Variants in CHCHD6 observed in about 807,000 individuals in gnomAD.
CHCHD6 encodes MICOS complex subunit MIC25.
Under a neutral mutation model 32.3 loss-of-function variants are expected in CHCHD6, and 28 were observed. The observed-to-expected ratio is 0.87, with a 90% CI of 0.64 to 1.19. The LOEUF (loss-of-function observed/expected upper bound fraction) is 1.19, where lower values mean the gene tolerates loss of function less well. CHCHD6 is among the 50% of genes most tolerant of loss of function. CHCHD6 has a pLI of 0.00. For missense variants in CHCHD6, 333 were observed against 307.0 expected, an observed-to-expected ratio of 1.08 and a Z score of -0.63; for synonymous variants, 122 against 117.5, an observed-to-expected ratio of 1.04 and a Z score of -0.25.
intron 5 of CHCHD6, among the ~76,000 whole-genome samples, chr3:126,910,262 C>A (rs1427999963): frequency 4.2e-5 from 1 of 23,630 alleles, no homozygotes; most frequent in Admixed American, 5.3e-4. Context: ...AGGAGCAAGG[C>A]CCTGCCTCAG....
At chr3:126,945,327 G>T (rs1304227203) in intron 6 of CHCHD6, among the ~76,000 whole-genome samples, 1 of 152,016 alleles carries the variant, frequency 6.6e-6, no homozygotes, top group Non-Finnish European at 1.5e-5. Context: ...CCTCTGGGGA[G>T]CTTTGGGCCA....
intron 6 of CHCHD6, among the ~76,000 whole-genome samples, chr3:126,954,111 C>T (rs2078752567): frequency 6.6e-6 from 1 of 152,200 alleles, no homozygotes; most frequent in Non-Finnish European, 1.5e-5. Context: ...GAAATTTCTT[C>T]CAGTTGACAT....
intron 6 of CHCHD6, among the ~76,000 whole-genome samples, chr3:126,937,612 G>A (rs2078499365): frequency 6.6e-6 from 1 of 152,182 alleles, no homozygotes; most frequent in African/African-American, 2.4e-5. Context: ...GTTTTATGAA[G>A]ATTAAATCCC....
chr3:126,744,851 C>A (rs1286700814), intron 4 of CHCHD6, among the ~76,000 whole-genome samples: 2 of 152,156 alleles, frequency 1.3e-5, no homozygotes, highest in Non-Finnish European at 2.9e-5. Flanking sequence ...CCACACCTGG[C>A]TAATTTTTAT....
At chr3:126,795,769 C>T (rs1383055230) in intron 4 of CHCHD6, among the ~76,000 whole-genome samples, 1 of 152,114 alleles carries the variant, frequency 6.6e-6, no homozygotes, top group Non-Finnish European at 1.5e-5. Flanking sequence ...TCATTAGGCC[C>T]TGCCACTTCT....
At chr3:126,706,869 G>A (rs994109826) in intron 1 of CHCHD6, among the ~76,000 whole-genome samples, 1 of 152,116 alleles carries the variant, frequency 6.6e-6, no homozygotes, top group Non-Finnish European at 1.5e-5. Context: ...AGATGCCAAA[G>A]AAGATCTGCC....
chr3:126,797,269 A>G (rs2107688826), intron 4 of CHCHD6, among the ~76,000 whole-genome samples: 1 of 152,286 alleles, frequency 6.6e-6, no homozygotes, highest in Middle Eastern at 3.4e-3. Context: ...TTCTCTTGCC[A>G]TGAATGCTAA....
At chr3:126,853,793 C>T (rs553241540) in intron 5 of CHCHD6, among the ~76,000 whole-genome samples, 1 of 152,252 alleles carries the variant, frequency 6.6e-6, no homozygotes, top group East Asian at 1.9e-4. Flanking sequence ...GTAAATCTTT[C>T]ACAGAGCAGT....
chr3:126,886,515 A>G (rs1232000998), intron 5 of CHCHD6, among the ~76,000 whole-genome samples: 2 of 152,012 alleles, frequency 1.3e-5, no homozygotes, highest in Non-Finnish European at 2.9e-5. Flanking sequence ...ACCTAACCCT[A>G]TTTTACTTTG....
At chr3:126,784,045 A>G (rs746578112) in intron 4 of CHCHD6, among the ~76,000 whole-genome samples, 58 of 152,112 alleles carry the variant, frequency 3.8e-4, no homozygotes, top group Non-Finnish European at 6.2e-4. Context: ...TCTCCTGGAG[A>G]CACTATGTCT....
At chr3:126,853,684 G>C (rs949955131) in intron 5 of CHCHD6, among the ~76,000 whole-genome samples, 10 of 152,190 alleles carry the variant, frequency 6.6e-5, no homozygotes, top group African/African-American at 1.9e-4. Flanking sequence ...GGGATGGCCA[G>C]AGTTGACATG....
At chr3:126,732,223 A>G (rs1935841587) in intron 3 of CHCHD6, among the ~76,000 whole-genome samples, 2 of 152,200 alleles carry the variant, frequency 1.3e-5, no homozygotes, top group Non-Finnish European at 2.9e-5. Context: ...AAAATCACCC[A>G]TAGACTCATC....
At chr3:126,941,708 C>T (rs1479110725) in intron 6 of CHCHD6, among the ~76,000 whole-genome samples, 1 of 152,202 alleles carries the variant, frequency 6.6e-6, no homozygotes, top group African/African-American at 2.4e-5. Flanking sequence ...CCAAGATTCC[C>T]TGATTTTTTA....
intron 1 of CHCHD6, among the ~76,000 whole-genome samples, chr3:126,714,076 C>CAAA (rs1157910763): frequency 0.064 from 1,834 of 28,834 alleles, 360 homozygotes; most frequent in African/African-American, 0.21. Context: ...GACTGCATCT[C>CAAA]AAAAAAAAAA....
chr3:126,711,523 T>C (rs1394908704), intron 1 of CHCHD6, among the ~76,000 whole-genome samples: 1 of 152,232 alleles, frequency 6.6e-6, no homozygotes. Context: ...GAATGTCTGC[T>C]TTTTGGTTGC....
At chr3:126,765,678 A>G (rs1937339969) in intron 4 of CHCHD6, among the ~76,000 whole-genome samples, 1 of 152,226 alleles carries the variant, frequency 6.6e-6, no homozygotes, top group South Asian at 2.1e-4. Context: ...ATCAATCTCT[A>G]ATTGGTGAGT....
chr3:126,839,257 T>TAGCCTCC (rs774610965), intron 4 of CHCHD6, among the ~76,000 whole-genome samples: 10 of 152,128 alleles, frequency 6.6e-5, no homozygotes, highest in Admixed American at 2.0e-4. Flanking sequence ...ATTTAGCCCC[T>TAGCCTCC]AGCCTCCAGC....
At chr3:126,912,905 C>T (rs940523033) in intron 5 of CHCHD6, among the ~76,000 whole-genome samples, 2 of 152,234 alleles carry the variant, frequency 1.3e-5, no homozygotes, top group African/African-American at 4.8e-5. Context: ...GCCTCAGTTA[C>T]CTTCCCTGCA....
chr3:126,820,975 C>T (rs1940123560), intron 4 of CHCHD6, among the ~76,000 whole-genome samples: 1 of 152,120 alleles, frequency 6.6e-6, no homozygotes, highest in Admixed American at 6.5e-5. Flanking sequence ...CAGTAATTCC[C>T]CCTCACCCTT....
Sources: gnomAD v4.1 joint callset for allele counts (sites outside exome capture counted in the v4.1 genomes callset) on GRCh38, gnomAD v4.1.1 for gene constraint, MANE v1.5 for transcripts, NCBI Gene and HGNC (gene_info 2026-07-23, HGNC 2026-07-21) for gene names.